The following SLCO4A1 variants were observed in gnomAD, a reference collection of about 807,000 sequenced individuals.
SLCO4A1 encodes colon organic anion transporter.
In SLCO4A1, 51 loss-of-function variants were observed where a neutral mutation model predicts 64.6. The observed-to-expected ratio is 0.79, with a 90% confidence interval of 0.63 to 1.00. The LOEUF (loss-of-function observed/expected upper bound fraction) is 1.00, where lower values mean the gene tolerates loss of function less well. SLCO4A1 is among the 50% of genes least tolerant of loss of function. SLCO4A1 has a pLI of 0.00. For missense variants in SLCO4A1, 919 were observed against 980.5 expected (o/e 0.94, Z 0.84); for synonymous variants, 471 against 444.9 (o/e 1.06, Z -0.74).
At chr20:62,689,850 G>A (rs987233483), downstream of SLCO4A1, among the ~76,000 whole-genome samples, 1 of 152,212 alleles carries the variant, frequency 6.6e-6, no homozygotes, top group Non-Finnish European at 1.5e-5. Context: ...GGAATGTCTG[G>A]GGCCGAGGAA....
intron 11 of SLCO4A1, among the ~76,000 whole-genome samples, 181 bp downstream of exon 11, chr20:62,669,259 G>T (rs180773093): frequency 4.6e-4 from 70 of 152,316 alleles, no homozygotes; most frequent in African/African-American, 1.5e-3. Flanking sequence ...AGGCAGGTGG[G>T]CTGCAGGGCC....
chr20:62,656,307 T>TC, intron 1 of SLCO4A1, 52 bp from the exon 2 acceptor site: 1 of 666,408 alleles, frequency 1.5e-6, no homozygotes, highest in South Asian at 2.0e-5. Context: ...CTCCTGGATG[T>TC]GCTGTACCCG....
intron 3 of SLCO4A1, among the ~76,000 whole-genome samples, chr20:62,659,990 G>C (rs868634351): frequency 2.6e-5 from 4 of 152,210 alleles, no homozygotes; most frequent in African/African-American, 9.6e-5. Flanking sequence ...CAGTCCCTTC[G>C]TGGGGAGCTC....
chr20:62,646,636 A>G (rs1981386987), intron 1 of SLCO4A1, among the ~76,000 whole-genome samples: 1 of 152,190 alleles, frequency 6.6e-6, no homozygotes, highest in South Asian at 2.1e-4. Flanking sequence ...GACAGGGTGG[A>G]TTTCCATTCT....
At chr20:62,681,587 C>T (rs199835855) in intron 2 of SLCO4A1, among the ~76,000 whole-genome samples, 2 of 151,972 alleles carry the variant, frequency 1.3e-5, no homozygotes, top group East Asian at 1.9e-4. Flanking sequence ...TGTGTTAATC[C>T]GTGTGATGTT....
chr20:62,655,695 C>T lies in SLCO4A1; in HGVS notation c.-96-664C>T, dbSNP rs533328627. Among the ~76,000 whole-genome samples the T allele has an allele frequency of 2.0e-5, 3 of 152,316 alleles. No individual in the cohort carries two copies. The South Asian group carries it at 6.2e-4, about 32-fold the overall frequency. On this transcript the variant is annotated intron_variant, in intron 1 of 11. Transcript: ENST00000217159. ...AACTCCTGTTAGCCACAGGCTGACC[C>T]AGCAGCGGCCGGAGCTTGGCGGCCG...
At chr20:62,647,038 C>G (rs1981472335) in intron 1 of SLCO4A1, among the ~76,000 whole-genome samples, 1 of 152,256 alleles carries the variant, frequency 6.6e-6, no homozygotes, top group African/African-American at 2.4e-5. Flanking sequence ...CGGCCCCATA[C>G]AAAGCAATGG....
In SLCO4A1 at chr20:62,661,835, G is replaced by T. The variant is rs56113756; in HGVS notation, c.1121+660G>T. On this transcript the variant is annotated intron_variant, in intron 5 of 11. Transcript: ENST00000217159. The surrounding 1 kb of genome is among the most constrained non-coding windows in gnomAD (Gnocchi z 5.2). ...CTTGCTGCACTGCTAGGGTGAACCC[G>T]GGGCCCTGAGCCGGTGGGGTCCTAG... Among the ~76,000 whole-genome samples, 3 of 151,730 alleles carry T rather than the reference G, an allele frequency of 2.0e-5. No individual in the cohort carries two copies. Among genetic ancestry groups the T allele is most frequent in the Admixed American group, 6.6e-5 (1 of 15,242 alleles).
chr20:62,672,042 G>A lies in SLCO4A1; in HGVS notation c.*149G>A, dbSNP rs772565586. On this transcript the variant is annotated 3_prime_UTR_variant, in exon 12 of 12. Coordinates refer to ENST00000217159, the MANE Select transcript of SLCO4A1 (RefSeq NM_016354.4). ...GGTTTAAAGTCGGCTGTGACCTCCTGTCCCCAGAGCTGTACGGCCCTGCAG... is the reference window on the plus strand; with the variant it reads ...GGTTTAAAGTCGGCTGTGACCTCCTATCCCCAGAGCTGTACGGCCCTGCAG... 1.9e-5 allele frequency: 30 copies of A among 1,550,586 alleles called. No individual in the cohort carries two copies. The highest frequency in any genetic ancestry group is 2.4e-5 in the Non-Finnish European group (28 of 1,153,030).
At chr20:62,671,670 C>G in intron 11 of SLCO4A1, 80 bp from the exon 12 acceptor site, 1 of 1,365,648 alleles carries the variant, frequency 7.3e-7, no homozygotes, top group East Asian at 2.3e-5. Context: ...GGGGCAGGGA[C>G]AGGACTGGGA....
Position 62,644,720 on chromosome 20 carries a change from G to A in SLCO4A1, c.-97+2167G>A, listed in dbSNP as rs1981008448. 6.6e-6 allele frequency among the ~76,000 whole-genome samples: 1 copy of A among 152,254 alleles called. No homozygotes were observed. Among genetic ancestry groups the A allele is most frequent in the South Asian group, 2.1e-4 (1 of 4,838 alleles). ...GTCTTCGATCCGGATGTCTCCATGA[G>A]TGTTAATCCATTTCTGGGGTGGGTA... On this transcript the variant is annotated intron_variant, in intron 1 of 11. Transcript: ENST00000217159. The surrounding 1 kb of genome is among the most constrained non-coding windows in gnomAD (Gnocchi z 5.4).
chr20:62,682,286 G>C (rs1033463051), intron 2 of SLCO4A1, among the ~76,000 whole-genome samples: 1 of 152,234 alleles, frequency 6.6e-6, no homozygotes, highest in Admixed American at 6.5e-5. Context: ...CAAGACTCTG[G>C]GCTTGAGTCA....
chr20:62,660,653 C>A, intron 4 of SLCO4A1, 120 bp downstream of exon 4: 1 of 1,211,736 alleles, frequency 8.3e-7, no homozygotes, highest in Non-Finnish European at 1.2e-6. Context: ...CTGCGGCACA[C>A]CCTCATTCTC....
chr20:62,661,834 C>CCCT lies in SLCO4A1; in HGVS notation c.1121+659_1121+660insCCT, dbSNP rs56332484. On this transcript the variant is annotated intron_variant, in intron 5 of 11. Coordinates refer to ENST00000217159, the MANE Select transcript of SLCO4A1 (RefSeq NM_016354.4). This position sits in a 1 kb window ranked among gnomAD's most constrained non-coding sequence, Gnocchi z 5.2. ...TCTTGCTGCACTGCTAGGGTGAACC[C>CCCT]GGGGCCCTGAGCCGGTGGGGTCCTA... Among the ~76,000 whole-genome samples, 3 of 151,758 alleles carry CCCT rather than the reference C, an allele frequency of 2.0e-5. No homozygotes were observed. Among genetic ancestry groups the CCCT allele is most frequent in the African/African-American group, 7.3e-5 (3 of 41,318 alleles).
At chr20:62,687,060 CACCCCCAAACA>C (rs1988085342), downstream of SLCO4A1, among the ~76,000 whole-genome samples, 1 of 143,142 alleles carries the variant, frequency 7.0e-6, no homozygotes, top group African/African-American at 2.7e-5. Flanking sequence ...TGGGAAAGGG[CACCCCCAAACA>C]GGCACGATGG....
intron 2 of SLCO4A1, among the ~76,000 whole-genome samples, chr20:62,677,597 G>T (rs529907670): frequency 2.6e-5 from 4 of 152,110 alleles, no homozygotes; most frequent in Non-Finnish European, 4.4e-5. Context: ...GGAAGGGGGC[G>T]TAGAGACCTG....
chr20:62,645,601 C>T lies in SLCO4A1; in HGVS notation c.-97+3048C>T, dbSNP rs776856692. On this transcript the variant is annotated intron_variant, in intron 1 of 11. Coordinates refer to ENST00000217159, the MANE Select transcript of SLCO4A1 (RefSeq NM_016354.4). This position sits in a 1 kb window ranked among gnomAD's most constrained non-coding sequence, Gnocchi z 4.2. Reference sequence around the variant, plus strand: ...GTTCTTTTCAGTAGCCTCCTTCCCACCAGCATCACACAGAATTAGACCCTG... The same window carrying T: ...GTTCTTTTCAGTAGCCTCCTTCCCATCAGCATCACACAGAATTAGACCCTG... Among the ~76,000 whole-genome samples, 2 of 151,782 alleles carry T rather than the reference C, an allele frequency of 1.3e-5. No individual in the cohort carries two copies. Among genetic ancestry groups the T allele is most frequent in the African/African-American group, 4.8e-5 (2 of 41,338 alleles).
At position 62,668,270 on chromosome 20, in the gene SLCO4A1, C is replaced by T. The variant is rs776575408; in HGVS notation, c.1811+86C>T. The T allele has an allele frequency of 4.7e-6, 7 of 1,477,898 alleles. No homozygotes were observed. The East Asian group carries it at 6.8e-5, about 14-fold the overall frequency. 91.5% of individuals were successfully genotyped at this position (1,477,898 alleles called of 1,614,324 possible). A position where few individuals can be genotyped will look rare whatever the true frequency, so the allele number is the denominator to read the frequency against. ...CTCTGCAGATCCTGAGACAGGAGCA[C>T]TCCAGGAAACACCCAGGTCTAAGCG... On this transcript the variant is annotated intron_variant, in intron 9 of 11. Coordinates refer to ENST00000217159, the MANE Select transcript of SLCO4A1 (RefSeq NM_016354.4).
intron 11 of SLCO4A1, among the ~76,000 whole-genome samples, chr20:62,670,398 A>C (rs1014445721): frequency 2.6e-5 from 4 of 152,194 alleles, no homozygotes; most frequent in African/African-American, 9.7e-5. Flanking sequence ...CACATCCCCC[A>C]TCACCATATC....
Sources: gnomAD v4.1 joint callset for allele counts (sites outside exome capture counted in the v4.1 genomes callset) on GRCh38, gnomAD v4.1.1 for gene constraint, Gnocchi (gnomAD v3.1) non-coding constraint, MANE v1.5 for transcripts, NCBI Gene and HGNC (gene_info 2026-07-23, HGNC 2026-07-21) for gene names.